CNTNAP2: variants seen among roughly 807,000 people sequenced by gnomAD.
The protein encoded by CNTNAP2 is contactin-associated protein-like 2.
A neutral mutation model predicts 155.2 loss-of-function variants in CNTNAP2; 98 were observed. That is an observed-to-expected ratio of 0.63 (90% CI 0.54 to 0.75). CNTNAP2 has a LOEUF of 0.75. Ranked by LOEUF, CNTNAP2 falls within the 30% of genes least tolerant of loss-of-function variation. The pLI, the probability that CNTNAP2 is intolerant of heterozygous loss-of-function variation, is 0.00. For missense variants in CNTNAP2, 1,727 were observed against 1,688.1 expected (o/e 1.02, Z -0.40); for synonymous variants, 651 against 631.2 (o/e 1.03, Z -0.47).
intron 12 of CNTNAP2, among the ~76,000 whole-genome samples, chr7:147,609,082 G>A (rs1489901071): frequency 6.6e-6 from 1 of 152,154 alleles, no homozygotes; most frequent in African/African-American, 2.4e-5. Flanking sequence ...GGCTTAGCTT[G>A]TGCTCAGAGG....
chr7:147,771,560 T>C (rs1450932960), intron 13 of CNTNAP2, among the ~76,000 whole-genome samples: 3 of 152,198 alleles, frequency 2.0e-5, no homozygotes, highest in Admixed American at 2.0e-4. Flanking sequence ...TTGCTTCTTG[T>C]TGGCCTTCCA....
chr7:148,296,365 C>A (rs1463420583), intron 21 of CNTNAP2, among the ~76,000 whole-genome samples: 2 of 151,420 alleles, frequency 1.3e-5, no homozygotes, highest in Non-Finnish European at 2.9e-5. Context: ...GTGAGACCCC[C>A]CCCGCCCACC....
intron 3 of CNTNAP2, among the ~76,000 whole-genome samples, chr7:147,037,777 A>G (rs1265590465): frequency 6.6e-6 from 1 of 152,170 alleles, no homozygotes; most frequent in Non-Finnish European, 1.5e-5. Flanking sequence ...CCGTTTAAAT[A>G]ATAGATATAT....
At chr7:146,941,746 A>T (rs929414967) in intron 3 of CNTNAP2, among the ~76,000 whole-genome samples, 9 of 151,320 alleles carry the variant, frequency 5.9e-5, no homozygotes, top group Non-Finnish European at 5.9e-5. Context: ...TCTGAAGAAC[A>T]GTTTTCCTGG....
chr7:146,616,351 G>A (rs1055333618), intron 1 of CNTNAP2, among the ~76,000 whole-genome samples: 3 of 152,158 alleles, frequency 2.0e-5, no homozygotes, highest in Non-Finnish European at 4.4e-5. Context: ...TTGAAAGAGA[G>A]AGATGAATGA....
At chr7:147,502,460 A>C (rs1798832443) in intron 11 of CNTNAP2, among the ~76,000 whole-genome samples, 1 of 152,204 alleles carries the variant, frequency 6.6e-6, no homozygotes, top group South Asian at 2.1e-4. Flanking sequence ...ACTCACAGAA[A>C]CAGGGAGTAA....
chr7:146,829,565 A>T (rs900187375), intron 2 of CNTNAP2, among the ~76,000 whole-genome samples: 1 of 150,048 alleles, frequency 6.7e-6, no homozygotes, highest in African/African-American at 2.4e-5. Context: ...GTCGAAAAGT[A>T]TTTTTTTTTT....
intron 1 of CNTNAP2, among the ~76,000 whole-genome samples, chr7:146,667,106 T>G (rs1172699068): frequency 6.6e-6 from 1 of 152,158 alleles, no homozygotes; most frequent in African/African-American, 2.4e-5. Context: ...TCCAGAGATC[T>G]TATAATTTCA....
intron 1 of CNTNAP2, among the ~76,000 whole-genome samples, chr7:146,618,975 TAGG>T (rs1016818392): frequency 6.0e-5 from 9 of 150,802 alleles, no homozygotes; most frequent in Non-Finnish European, 1.2e-4. Flanking sequence ...GAGGCTGAGG[TAGG>T]AGAATCGCTT....
intron 1 of CNTNAP2, among the ~76,000 whole-genome samples, chr7:146,122,561 GT>G (rs2116720957): frequency 6.6e-6 from 1 of 152,264 alleles, no homozygotes; most frequent in Non-Finnish European, 1.5e-5. Flanking sequence ...TTTCTGCATA[GT>G]TTAGAAACTA....
chr7:147,217,759 C>T (rs1803306208), intron 8 of CNTNAP2, among the ~76,000 whole-genome samples: 3 of 151,918 alleles, frequency 2.0e-5, no homozygotes, highest in Non-Finnish European at 2.9e-5. Flanking sequence ...GAATTACCAG[C>T]GAACACTTAC....
chr7:147,925,459 A>G (rs965039784), intron 14 of CNTNAP2, among the ~76,000 whole-genome samples: 2 of 151,738 alleles, frequency 1.3e-5, no homozygotes, highest in African/African-American at 2.4e-5. Context: ...CATTCTGTGG[A>G]TTTTTTATTT....
intron 3 of CNTNAP2, among the ~76,000 whole-genome samples, chr7:147,019,306 T>C (rs1259705888): frequency 6.6e-6 from 1 of 152,082 alleles, no homozygotes; most frequent in Non-Finnish European, 1.5e-5. Context: ...TTATAAGTTG[T>C]TTCACGCTTT....
intron 8 of CNTNAP2, among the ~76,000 whole-genome samples, chr7:147,192,176 A>C (rs1228773858): frequency 6.6e-6 from 1 of 152,196 alleles, no homozygotes; most frequent in African/African-American, 2.4e-5. Context: ...TGAAGGAAGT[A>C]ATGTCCTTTT....
chr7:147,036,052 G>T (rs1387944796), intron 3 of CNTNAP2, among the ~76,000 whole-genome samples: 1 of 152,150 alleles, frequency 6.6e-6, no homozygotes, highest in Non-Finnish European at 1.5e-5. Flanking sequence ...TTGCAAGAAA[G>T]ATTTAATTTC....
chr7:147,522,780 A>C (rs200621592), intron 11 of CNTNAP2, among the ~76,000 whole-genome samples: 1 of 148,434 alleles, frequency 6.7e-6, no homozygotes, highest in Non-Finnish European at 1.5e-5. Flanking sequence ...AAAAAAAAAC[A>C]AAAAAACAAA....
At chr7:147,081,417 C>CT (rs3083770) in intron 4 of CNTNAP2, 78,254 of 140,082 alleles carry the variant, frequency 0.56, 22,557 homozygotes, top group East Asian at 0.75. Flanking sequence ...CTAAGAGATT[C>CT]TTTTTTTTTT....
rs57272792 is a variant in CNTNAP2 at position 147,981,786 on chromosome 7, G to GGTGTGT, written c.2383+3823_2383+3828dup. Among the ~76,000 whole-genome samples, 330 of 143,770 alleles carry GGTGTGT rather than the reference G, an allele frequency of 2.3e-3. 1 individual carries two copies. Among genetic ancestry groups the GGTGTGT allele is most frequent in the African/African-American group, 8.3e-3 (320 of 38,734 alleles). The allele number at this position is 143,770 out of a possible 152,430, so 94.3% of individuals were successfully genotyped here. On this transcript the variant is annotated intron_variant, in intron 15 of 23. Transcript: ENST00000361727. ...TCTGTGAAATGCTTATGTCCTTACAGGTGTGTGTGTGTGTGTGTGTGTGTG... is the reference window on the plus strand; with the variant it reads ...TCTGTGAAATGCTTATGTCCTTACAGGTGTGTGTGTGTGTGTGTGTGTGTGTGTGTG...
intron 4 of CNTNAP2, chr7:147,082,493 C>T (rs1346166375): frequency 1.3e-5 from 2 of 152,144 alleles, no homozygotes; most frequent in African/African-American, 2.4e-5. Flanking sequence ...TCTGTAGCCA[C>T]GTACCCAGCT....
Sources: gnomAD v4.1 joint callset for allele counts (sites outside exome capture counted in the v4.1 genomes callset) on GRCh38, gnomAD v4.1.1 for gene constraint, MANE v1.5 for transcripts, NCBI Gene and HGNC (gene_info 2026-07-23, HGNC 2026-07-21) for gene names.